DNAAF11: variants seen among roughly 807,000 people sequenced by gnomAD.
The protein encoded by DNAAF11 is dynein axonemal assembly factor 11.
DNAAF11 carries 45 observed loss-of-function variants against 60.8 expected under a neutral mutation model. The ratio of observed to expected loss-of-function variants is 0.74; its 90% CI spans 0.58 to 0.95. The LOEUF (loss-of-function observed/expected upper bound fraction) is 0.95. DNAAF11 is among the 40% of genes least tolerant of loss of function. The probability of loss-of-function intolerance (pLI) is 0.00; values close to 1 mark genes in which losing one functional copy is unlikely to be tolerated. For synonymous variants in DNAAF11, 191 were observed against 183.5 expected (o/e 1.04, Z -0.33); for missense variants, 546 against 546.2 (o/e 1.00, Z 0.00).
chr8:132,677,424 A>T (rs1825800990), upstream of DNAAF11, among the ~76,000 whole-genome samples: 1 of 151,926 alleles, frequency 6.6e-6, no homozygotes, highest in South Asian at 2.1e-4. Flanking sequence ...GATGTCTCTT[A>T]ATAAAAATTA....
intron 10 of DNAAF11, among the ~76,000 whole-genome samples, chr8:132,595,054 T>C (rs1167941343): frequency 6.6e-6 from 1 of 151,598 alleles, no homozygotes; most frequent in African/African-American, 2.4e-5. Context: ...GATCTGGAGG[T>C]CTCCCCAGCT....
intron 3 of DNAAF11, chr8:132,643,677 T>C: frequency 6.6e-6 from 3 of 456,216 alleles, no homozygotes; most frequent in Non-Finnish European, 1.3e-5. Flanking sequence ...AGGAAGTCAA[T>C]AGATGACATC....
chr8:132,603,443 T>C (rs1298523881), intron 10 of DNAAF11, among the ~76,000 whole-genome samples: 2 of 152,030 alleles, frequency 1.3e-5, no homozygotes, highest in East Asian at 1.9e-4. Context: ...AAGCTGTGTA[T>C]TGAAAGCCAA....
the DNAAF11 span, among the ~76,000 whole-genome samples, chr8:132,695,640 G>A: frequency 4.6e-5 from 7 of 152,230 alleles, no homozygotes; most frequent in African/African-American, 9.6e-5. Flanking sequence ...ATAATCACCC[G>A]GGGAATGGGA....
At chr8:132,616,322 T>C (rs533352678) in intron 7 of DNAAF11, among the ~76,000 whole-genome samples, 1 of 152,250 alleles carries the variant, frequency 6.6e-6, no homozygotes, top group East Asian at 1.9e-4. Flanking sequence ...TCTTCCCTTT[T>C]TTCTTCTTTA....
rs138429950 is a variant in DNAAF11 at position 132,606,704 on chromosome 8, T to A, written c.1140+3462A>T. ...TTTTAATTTTTATTTTTGTAGAAAT[T>A]GGGCTTCACTATGTTGCCCAGGCTG... On this transcript the variant is annotated intron_variant, in intron 10 of 11. Coordinates refer to ENST00000620350, the MANE Select transcript of DNAAF11 (RefSeq NM_012472.6). Among the ~76,000 whole-genome samples, 333 of 152,232 alleles carry A rather than the reference T, an allele frequency of 2.2e-3. 5 individuals are homozygous for A. Among genetic ancestry groups the A allele is most frequent in the African/African-American group, 7.5e-3 (312 of 41,526 alleles).
chr8:132,613,647 T>G (rs979983843), intron 8 of DNAAF11, among the ~76,000 whole-genome samples: 2 of 152,196 alleles, frequency 1.3e-5, no homozygotes, highest in Non-Finnish European at 2.9e-5. Flanking sequence ...CATGGTGTTG[T>G]CCATTTTGAA....
At chr8:132,675,689 G>GA (rs1250252602), upstream of DNAAF11, 5 of 482,818 alleles carry the variant, frequency 1.0e-5, no homozygotes, top group Admixed American at 4.2e-5. Context: ...AGACCGCAGT[G>GA]AAGGGGCTCA....
chr8:132,672,937 C>T (rs1825326935), intron 1 of DNAAF11, among the ~76,000 whole-genome samples: 1 of 152,166 alleles, frequency 6.6e-6, no homozygotes, highest in Non-Finnish European at 1.5e-5. Context: ...CACGGTCTCT[C>T]TAAAACCTGT....
intron 3 of DNAAF11, among the ~76,000 whole-genome samples, chr8:132,646,799 C>T (rs1822441293): frequency 6.6e-6 from 1 of 152,116 alleles, no homozygotes; most frequent in Non-Finnish European, 1.5e-5. Flanking sequence ...GCTAACTATC[C>T]TAAATATATA....
At chr8:132,638,171 G>T in intron 3 of DNAAF11, 64 bp from the exon 4 acceptor site, 1 of 1,241,100 alleles carries the variant, frequency 8.1e-7, no homozygotes, top group Non-Finnish European at 1.2e-6. Flanking sequence ...AACAAAACGT[G>T]TGTAACATCA....
At chr8:132,678,775 TATTTATAAGA>T (rs1475244158), upstream of DNAAF11, among the ~76,000 whole-genome samples, 1 of 149,208 alleles carries the variant, frequency 6.7e-6, no homozygotes, top group Non-Finnish European at 1.5e-5. Flanking sequence ...AATTTATTAA[TATTTATAAGA>T]ATTTATAAGA....
intron 10 of DNAAF11, among the ~76,000 whole-genome samples, chr8:132,585,558 C>T (rs1456846370): frequency 6.6e-6 from 1 of 152,072 alleles, no homozygotes; most frequent in African/African-American, 2.4e-5. Flanking sequence ...ATAATGAATG[C>T]TACTAAAGAC....
chr8:132,573,127 T>TAGATACAGATATAGATAC (rs1814387300), intron 11 of DNAAF11, among the ~76,000 whole-genome samples: 1 of 152,138 alleles, frequency 6.6e-6, no homozygotes, highest in African/African-American at 2.4e-5. Context: ...GATATAGATA[T>TAGATACAGATATAGATAC]AGATATAGAT....
chr8:132,645,222 G>T (rs949740693), intron 3 of DNAAF11, among the ~76,000 whole-genome samples: 2 of 152,130 alleles, frequency 1.3e-5, no homozygotes, highest in South Asian at 2.1e-4. Flanking sequence ...AGGCAAACAG[G>T]GTCTGGAGTG....
chr8:132,590,368 T>G (rs548856148), intron 10 of DNAAF11, among the ~76,000 whole-genome samples: 9 of 152,334 alleles, frequency 5.9e-5, no homozygotes, highest in African/African-American at 2.2e-4. Flanking sequence ...CAGGTGACCT[T>G]GGTGTTTGCT....
At position 132,619,206 on chromosome 8, in the gene DNAAF11, C is replaced by T. The variant is rs183617669; in HGVS notation, c.914+3405G>A. ...AGTAAACTATCGCAAGAACAAAAAA[C>T]CAAACACCACATGTTCTCACTCATA... On this transcript the variant is annotated intron_variant, in intron 7 of 11. Transcript: ENST00000620350. Among the ~76,000 whole-genome samples the T allele has an allele frequency of 1.5e-3, 227 of 151,726 alleles. 1 individual carries two copies. The highest frequency in any genetic ancestry group is 5.2e-3 in the African/African-American group (215 of 41,334).
chr8:132,669,118 A>C (rs1431821088), intron 1 of DNAAF11, among the ~76,000 whole-genome samples: 1 of 152,154 alleles, frequency 6.6e-6, no homozygotes, highest in African/African-American at 2.4e-5. Context: ...ATCACAGCCC[A>C]ACTTCCCCCT....
intron 1 of DNAAF11, among the ~76,000 whole-genome samples, chr8:132,666,945 G>A (rs76505047): frequency 6.6e-6 from 1 of 152,126 alleles, no homozygotes; most frequent in Non-Finnish European, 1.5e-5. Context: ...CAAGAGAATG[G>A]GGCAGATAAA....
Sources: allele counts gnomAD v4.1 joint callset (sites outside exome capture counted in the v4.1 genomes callset), GRCh38; gene constraint gnomAD v4.1.1; transcripts MANE v1.5; gene names NCBI Gene and HGNC (gene_info 2026-07-23, HGNC 2026-07-21).